Variants in MYH11 observed in about 807,000 individuals in gnomAD.
MYH11 encodes myosin-11.
A neutral mutation model predicts 246.6 loss-of-function variants in MYH11; 80 were observed. The ratio of observed to expected loss-of-function variants is 0.32; its 90% CI spans 0.27 to 0.39. The LOEUF (loss-of-function observed/expected upper bound fraction) is 0.39, where lower values mean the gene tolerates loss of function less well. Ranked by LOEUF, MYH11 falls within the 10% of genes least tolerant of loss-of-function variation. MYH11 has a pLI of 1.00. For missense variants in MYH11, 2,158 were observed against 2,546.8 expected (o/e 0.85, Z 3.29); for synonymous variants, 1,071 against 1,015.5 (o/e 1.05, Z -1.04).
intron 40 of MYH11, chr16:15,712,895 T>TTTTTTTTTTTTTA (rs1567680276): frequency 6.7e-6 from 1 of 148,746 alleles, no homozygotes; most frequent in African/African-American, 2.5e-5. Context: ...TTTTTTTTTT[T>TTTTTTTTTTTTTA]GAGACCGAGT....
At chr16:15,821,924 CAAAA>C (rs35907978) in intron 3 of MYH11, among the ~76,000 whole-genome samples, 1 of 107,344 alleles carries the variant, frequency 9.3e-6, no homozygotes, top group Non-Finnish European at 2.0e-5. Context: ...GACTCCGTCT[CAAAA>C]AAAAAAAAAA....
chr16:15,705,386 C>G (rs915333134), intron 40 of MYH11, among the ~76,000 whole-genome samples: 1 of 152,178 alleles, frequency 6.6e-6, no homozygotes, highest in Admixed American at 6.5e-5. Flanking sequence ...ACCTCGACTT[C>G]ACAGGAAGGG....
chr16:15,813,851 C>CA (rs34708718), intron 3 of MYH11, among the ~76,000 whole-genome samples: 21,699 of 141,812 alleles, frequency 0.15, 1,646 homozygotes, highest in Admixed American at 0.2. Context: ...GGGGAAAAGG[C>CA]AAAAAAAAAA....
intron 3 of MYH11, among the ~76,000 whole-genome samples, chr16:15,807,373 A>G (rs1418470962): frequency 6.6e-6 from 1 of 152,110 alleles, no homozygotes; most frequent in Non-Finnish European, 1.5e-5. Flanking sequence ...ACCGTAAGAG[A>G]TGAGCAGTGC....
chr16:15,764,793 A>T (rs2041945849), intron 9 of MYH11, among the ~76,000 whole-genome samples: 1 of 152,190 alleles, frequency 6.6e-6, no homozygotes, highest in East Asian at 1.9e-4. Context: ...CTCCATGTAA[A>T]TCATATGTCA....
rs1555457220 is a variant in MYH11 at position 15,823,242 on chromosome 16, T to C, written c.502+13A>G. The stretch of plus-strand genomic sequence containing the variant: ...CCCTGGAGCTGGCCCCGTGCAGCCC[T>C]GAGTTCACTCACCTTGAAGCATGCT... On this transcript the variant is annotated intron_variant, in intron 3 of 40. Coordinates refer to ENST00000300036, the MANE Select transcript of MYH11 (RefSeq NM_002474.3). The C allele has an allele frequency of 6.2e-7, 1 of 1,614,028 alleles. No homozygotes were observed. Among genetic ancestry groups the C allele is most frequent in the Non-Finnish European group, 8.5e-7 (1 of 1,180,010 alleles).
chr16:15,746,472 G>A (rs1033016969), intron 19 of MYH11, among the ~76,000 whole-genome samples: 5 of 152,088 alleles, frequency 3.3e-5, no homozygotes, highest in South Asian at 2.1e-4. Flanking sequence ...GGTCTGTTGC[G>A]GGAGGGCCAA....
intron 23 of MYH11, among the ~76,000 whole-genome samples, chr16:15,738,895 A>T (rs1398429151): frequency 6.6e-6 from 1 of 152,048 alleles, no homozygotes; most frequent in Non-Finnish European, 1.5e-5. Context: ...TGTCCCTCAT[A>T]TTGTATGGTC....
At chr16:15,841,347 A>G (rs1213460744) in intron 1 of MYH11, among the ~76,000 whole-genome samples, 1 of 152,218 alleles carries the variant, frequency 6.6e-6, no homozygotes, top group Non-Finnish European at 1.5e-5. Context: ...CAAGTTGGCC[A>G]GGCTGGTCTC....
chr16:15,830,508 C>A (rs557551619), intron 2 of MYH11, among the ~76,000 whole-genome samples: 1 of 152,078 alleles, frequency 6.6e-6, no homozygotes, highest in African/African-American at 2.4e-5. Flanking sequence ...AAGATTGAGA[C>A]GCACAACAGC....
At chr16:15,833,152 A>C (rs993382925) in intron 2 of MYH11, among the ~76,000 whole-genome samples, 3 of 151,124 alleles carry the variant, frequency 2.0e-5, no homozygotes, top group Admixed American at 6.6e-5. Flanking sequence ...CAAAAAAATT[A>C]GCTGGGCATC....
chr16:15,786,745 G>T lies in MYH11; in HGVS notation c.531-13C>A, dbSNP rs1424389771. 1.1e-5 allele frequency: 17 copies of T among 1,611,082 alleles called. No individual in the cohort carries two copies. The highest frequency in any genetic ancestry group is 4.5e-5 in the East Asian group (2 of 44,868). On this transcript the variant is annotated splice_polypyrimidine_tract_variant and intron_variant, in intron 4 of 40. Transcript: ENST00000300036. ...TCCAGACTCGCCTCTGAAAGACACG[G>T]GAACATCATCTATGCACACGTTCCA...
rs146521446 is a variant in MYH11, at chr16:15,844,259, G to A, written c.-17-5990C>T. ...TGTCGCCCAGCTAGAGTGCAATGGC[G>A]GGATCTTGGCTCACTGCAACCTCCA... On this transcript the variant is annotated intron_variant, in intron 1 of 40. Transcript: ENST00000300036. 2.6e-3 allele frequency among the ~76,000 whole-genome samples: 403 copies of A among 152,204 alleles called. 2 individuals are homozygous for A. The highest frequency in any genetic ancestry group is 0.01 in the Middle Eastern group (3 of 294).
intron 1 of MYH11, among the ~76,000 whole-genome samples, chr16:15,850,148 GC>G (rs2044293802): frequency 6.6e-6 from 1 of 152,226 alleles, no homozygotes. Flanking sequence ...ACTTCGGGAG[GC>G]CGAGGCAGGC....
intron 15 of MYH11, among the ~76,000 whole-genome samples, chr16:15,751,924 G>A (rs2041583948): frequency 6.6e-6 from 1 of 151,692 alleles, no homozygotes; most frequent in Non-Finnish European, 1.5e-5. Context: ...TCAGCCTCCC[G>A]AGTAGCTGGG....
intron 26 of MYH11, chr16:15,732,915 AG>A: frequency 1.6e-6 from 1 of 623,860 alleles, no homozygotes; most frequent in Non-Finnish European, 2.9e-6. Flanking sequence ...TCACCTGCCT[AG>A]GACATCTGTA....
Position 15,721,454 on chromosome 16 carries a change from G to T in MYH11, c.4546C>A (p.Leu1516Met). ...NKMLKAEMED[L>M]VSSKDDVGKN... ...CCCACGTCATCCTTGGAGCTGACCA[G>T]GTCTTCCATTTCGGCTTTGAGCATT... Residue 1516 changes from leucine to methionine, a missense_variant, in exon 32 of 41, where the codon CTG becomes ATG. By Grantham distance (15) the Leu-to-Met change is conservative. Around this residue, in one of 11 missense-constraint regions of MYH11, gnomAD observed 1,013 missense variants for 993.5 expected, o/e 1.02. Coordinates refer to ENST00000300036, the MANE Select transcript of MYH11 (RefSeq NM_002474.3). 1 of 1,614,224 alleles carries T rather than the reference G, an allele frequency of 6.2e-7. No individual in the cohort carries two copies. Among genetic ancestry groups the T allele is most frequent in the Non-Finnish European group, 8.5e-7 (1 of 1,180,050 alleles).
chr16:15,801,971 C>T (rs529579486), intron 3 of MYH11, among the ~76,000 whole-genome samples: 1 of 151,454 alleles, frequency 6.6e-6, no homozygotes, highest in Admixed American at 6.6e-5. Flanking sequence ...ACAAAACAAA[C>T]AAAAAAAACC....
At position 15,760,581 on chromosome 16, in the gene MYH11, C is replaced by T. The variant is rs748924540; in HGVS notation, c.1207G>A (p.Val403Ile). The T allele has an allele frequency of 1.2e-6, 2 of 1,614,014 alleles. No individual in the cohort carries two copies. Among genetic ancestry groups the T allele is most frequent in the South Asian group, 1.1e-5 (1 of 91,086 alleles). The change falls in exon 11 of 41, where the codon GTT (valine) becomes ATT (isoleucine). Residue 403 changes from valine to isoleucine, a missense_variant. Around this residue, in one of 11 missense-constraint regions of MYH11, gnomAD observed 317 missense variants for 507.7 expected, o/e 0.62. Transcript: ENST00000300036. The stretch of plus-strand genomic sequence containing the variant: ...GCTTTCTGTACCACATCTCGCCCAA[C>T]CTTGATACGAGGAGTGAGGATGGAT... ...TRSILTPRIK[V>I]GRDVVQKAQT...
Sources: allele counts gnomAD v4.1 joint callset (sites outside exome capture counted in the v4.1 genomes callset), GRCh38; gene constraint gnomAD v4.1.1; regional missense constraint gnomAD v4.1.1; transcripts MANE v1.5; gene names NCBI Gene and HGNC (gene_info 2026-07-23, HGNC 2026-07-21).